Variants in KCNIP4 observed in about 807,000 individuals in gnomAD.
The protein encoded by KCNIP4 is Kv channel-interacting protein 4.
A neutral mutation model predicts 34.0 loss-of-function variants in KCNIP4; 12 were observed. The observed-to-expected ratio is 0.35, with a 90% confidence interval of 0.23 to 0.57. The LOEUF (loss-of-function observed/expected upper bound fraction) is 0.57. Ranked by LOEUF, KCNIP4 falls within the 20% of genes least tolerant of loss-of-function variation. The probability of loss-of-function intolerance (pLI) is 0.83; values close to 1 mark genes in which losing one functional copy is unlikely to be tolerated. For missense variants in KCNIP4, 238 were observed against 311.7 expected, an observed-to-expected ratio of 0.76 and a Z score of 1.78; for synonymous variants, 124 against 102.2, an observed-to-expected ratio of 1.21 and a Z score of -1.29.
chr4:21,553,211 T>C (rs541288562), intron 1 of KCNIP4, among the ~76,000 whole-genome samples: 17 of 152,244 alleles, frequency 1.1e-4, no homozygotes, highest in Admixed American at 2.6e-4. Context: ...GAGTTGTTTA[T>C]TGCAGAAAGA....
chr4:21,872,481 ACT>A (rs552255129), intron 1 of KCNIP4, among the ~76,000 whole-genome samples: 158 of 152,152 alleles, frequency 1.0e-3, no homozygotes, highest in Non-Finnish European at 1.7e-3. Flanking sequence ...GTATGAATAG[ACT>A]CTTGTTTCAT....
intron 1 of KCNIP4, among the ~76,000 whole-genome samples, chr4:21,739,673 A>G (rs934318281): frequency 1.3e-4 from 20 of 152,094 alleles, no homozygotes; most frequent in Non-Finnish European, 2.8e-4. Flanking sequence ...TCCCAATGCT[A>G]CCCACACCAC....
chr4:21,320,340 G>A (rs2109298464), intron 1 of KCNIP4, among the ~76,000 whole-genome samples: 2 of 152,312 alleles, frequency 1.3e-5, no homozygotes, highest in Middle Eastern at 6.8e-3. Flanking sequence ...GAAGGTGCCT[G>A]GCTAAGCAGG....
At chr4:21,633,355 A>T (rs1193990001) in intron 1 of KCNIP4, among the ~76,000 whole-genome samples, 1 of 152,102 alleles carries the variant, frequency 6.6e-6, no homozygotes, top group East Asian at 1.9e-4. Flanking sequence ...CATAAAACCC[A>T]GTTCTAGTTG....
At chr4:21,866,509 T>C (rs934344349) in intron 1 of KCNIP4, among the ~76,000 whole-genome samples, 2 of 152,080 alleles carry the variant, frequency 1.3e-5, no homozygotes, top group African/African-American at 4.8e-5. Flanking sequence ...AAAGACAGTC[T>C]CTTCTGATTT....
intron 4 of KCNIP4, among the ~76,000 whole-genome samples, chr4:20,750,417 C>T (rs1428266624): frequency 6.6e-6 from 1 of 152,072 alleles, no homozygotes. Context: ...CTACATGTTC[C>T]TAGTTGTATG....
chr4:21,608,254 C>A (rs560120856), intron 1 of KCNIP4, among the ~76,000 whole-genome samples: 1 of 152,150 alleles, frequency 6.6e-6, no homozygotes, highest in South Asian at 2.1e-4. Flanking sequence ...GTGGTCACTG[C>A]CACGTCTTTA....
chr4:21,530,413 T>C (rs1373499599), intron 1 of KCNIP4, among the ~76,000 whole-genome samples: 1 of 152,182 alleles, frequency 6.6e-6, no homozygotes, highest in East Asian at 1.9e-4. Context: ...CTTTAAAGTT[T>C]TTATTCTTTA....
chr4:21,922,003 C>G (rs115829195), intron 1 of KCNIP4, among the ~76,000 whole-genome samples: 1 of 152,200 alleles, frequency 6.6e-6, no homozygotes, highest in African/African-American at 2.4e-5. Flanking sequence ...ACTGACTCAT[C>G]TCACATCTCT....
chr4:21,337,375 T>C (rs1177191063), intron 1 of KCNIP4, among the ~76,000 whole-genome samples: 3 of 152,114 alleles, frequency 2.0e-5, no homozygotes, highest in African/African-American at 7.2e-5. Context: ...CTGAGGCCAA[T>C]AGGCTGATTC....
At chr4:20,998,942 A>G (rs1264076175) in intron 1 of KCNIP4, among the ~76,000 whole-genome samples, 1 of 152,264 alleles carries the variant, frequency 6.6e-6, no homozygotes, top group Non-Finnish European at 1.5e-5. Context: ...TATGATAGGT[A>G]CAAATGAGCC....
chr4:21,581,813 A>T (rs1158709174), intron 1 of KCNIP4, among the ~76,000 whole-genome samples: 1 of 151,910 alleles, frequency 6.6e-6, no homozygotes, highest in Non-Finnish European at 1.5e-5. Context: ...TGATCCTGTC[A>T]TTGTCTTAAT....
intron 1 of KCNIP4, among the ~76,000 whole-genome samples, chr4:20,934,752 G>T: frequency 6.6e-6 from 1 of 152,128 alleles, no homozygotes; most frequent in East Asian, 1.9e-4. Context: ...GTGCTATGTA[G>T]AAAAATAAAG....
chr4:21,125,783 G>T (rs1750565162), intron 1 of KCNIP4, among the ~76,000 whole-genome samples: 1 of 152,072 alleles, frequency 6.6e-6, no homozygotes, highest in African/African-American at 2.4e-5. Flanking sequence ...AACCTCTTAT[G>T]ATTAAGGGTG....
intron 1 of KCNIP4, among the ~76,000 whole-genome samples, chr4:20,901,060 T>C (rs1178338366): frequency 6.6e-6 from 1 of 152,238 alleles, no homozygotes; most frequent in African/African-American, 2.4e-5. Flanking sequence ...TTATGAGATC[T>C]ATGTAGGCTT....
intron 1 of KCNIP4, among the ~76,000 whole-genome samples, chr4:21,251,065 T>C (rs994537764): frequency 6.6e-6 from 1 of 151,938 alleles, no homozygotes; most frequent in Non-Finnish European, 1.5e-5. Context: ...ATTGAAGAAA[T>C]AGACTCAATT....
At chr4:21,028,656 T>C (rs950479060) in intron 1 of KCNIP4, among the ~76,000 whole-genome samples, 1 of 152,204 alleles carries the variant, frequency 6.6e-6, no homozygotes, top group South Asian at 2.1e-4. Context: ...CCTTCTAATA[T>C]GTGTTACATG....
chr4:21,011,985 G>C (rs1056333360), intron 1 of KCNIP4, among the ~76,000 whole-genome samples: 1 of 152,194 alleles, frequency 6.6e-6, no homozygotes, highest in Non-Finnish European at 1.5e-5. Flanking sequence ...ACGTAGTTTC[G>C]ATGTTTGGAG....
chr4:21,360,391 G>C (rs533006658), intron 1 of KCNIP4, among the ~76,000 whole-genome samples: 1 of 151,956 alleles, frequency 6.6e-6, no homozygotes, highest in African/African-American at 2.4e-5. Context: ...AAAGAGGCTT[G>C]CTTATCTATT....
Sources: allele counts gnomAD v4.1 joint callset (sites outside exome capture counted in the v4.1 genomes callset), GRCh38; gene constraint gnomAD v4.1.1; transcripts MANE v1.5; gene names NCBI Gene and HGNC (gene_info 2026-07-23, HGNC 2026-07-21).